Variants in PDGFD observed in about 807,000 individuals in gnomAD.
PDGFD encodes the protein platelet-derived growth factor D.
In PDGFD, 30 loss-of-function variants were observed where a neutral mutation model predicts 44.7. That is an observed-to-expected ratio of 0.67 (90% CI 0.50 to 0.91). The LOEUF (loss-of-function observed/expected upper bound fraction) is 0.91. Ranked by LOEUF, PDGFD falls within the 40% of genes least tolerant of loss-of-function variation. The pLI, the probability that PDGFD is intolerant of heterozygous loss-of-function variation, is 0.00. For synonymous variants in PDGFD, 173 were observed against 168.4 expected (o/e 1.03, Z -0.21); for missense variants, 445 against 457.8 (o/e 0.97, Z 0.25).
intron 1 of PDGFD, among the ~76,000 whole-genome samples, chr11:104,150,750 T>G (rs919476820): frequency 2.6e-5 from 4 of 152,190 alleles, no homozygotes; most frequent in Non-Finnish European, 1.5e-5. Context: ...CCATCTCTTC[T>G]GCCTTTGTCA....
At chr11:103,950,100 T>C (rs1334471797) in intron 3 of PDGFD, among the ~76,000 whole-genome samples, 1 of 152,094 alleles carries the variant, frequency 6.6e-6, no homozygotes, top group Non-Finnish European at 1.5e-5. Flanking sequence ...CATGTGACCT[T>C]GAGATATAGA....
At chr11:104,072,106 C>T (rs1437879413) in intron 1 of PDGFD, among the ~76,000 whole-genome samples, 5 of 151,692 alleles carry the variant, frequency 3.3e-5, no homozygotes, top group Admixed American at 6.6e-5. Context: ...TGCAATACCA[C>T]GTTTAGTTTC....
At chr11:103,945,936 A>G (rs1858662226) in intron 4 of PDGFD, 1 of 152,236 alleles carries the variant, frequency 6.6e-6, no homozygotes, top group Non-Finnish European at 1.5e-5. Context: ...ACGACAGCTG[A>G]GGAAATATTT....
chr11:104,044,469 C>T (rs1245729323), intron 1 of PDGFD, among the ~76,000 whole-genome samples: 1 of 151,870 alleles, frequency 6.6e-6, no homozygotes, highest in African/African-American at 2.4e-5. Context: ...TTAACCTTGA[C>T]TTAGCTATAT....
chr11:103,950,498 G>T (rs1037742311), intron 3 of PDGFD, among the ~76,000 whole-genome samples: 4 of 151,886 alleles, frequency 2.6e-5, no homozygotes, highest in Non-Finnish European at 5.9e-5. Context: ...GGGAGGCGGA[G>T]GTTGCAGTGG....
In PDGFD at chr11:104,035,407, T is replaced by C. The variant is rs558921935; in HGVS notation, c.125-35152A>G. 2.7e-3 allele frequency among the ~76,000 whole-genome samples: 410 copies of C among 152,240 alleles called. 2 individuals carry two copies. The highest frequency in any genetic ancestry group is 4.4e-3 in the Non-Finnish European group (296 of 68,002). On this transcript the variant is annotated intron_variant, in intron 1 of 6. Coordinates refer to ENST00000393158, the MANE Select transcript of PDGFD (RefSeq NM_025208.5). ...CCACACTCTAGCAACAGCTCCCTCTTTGAACCACTGGAAAAGCCTCCTGAC... is the reference window on the plus strand; with the variant it reads ...CCACACTCTAGCAACAGCTCCCTCTCTGAACCACTGGAAAAGCCTCCTGAC...
intron 1 of PDGFD, among the ~76,000 whole-genome samples, chr11:104,047,812 A>T (rs1397137217): frequency 6.6e-6 from 1 of 152,044 alleles, no homozygotes; most frequent in East Asian, 1.9e-4. Flanking sequence ...ATCTTACATC[A>T]AGTTCTGAGA....
intron 1 of PDGFD, among the ~76,000 whole-genome samples, chr11:104,094,153 A>G (rs1861250059): frequency 6.6e-6 from 1 of 151,880 alleles, no homozygotes; most frequent in South Asian, 2.1e-4. Context: ...AGTGCTTGGC[A>G]CAATAGCCAC....
At chr11:104,093,835 CT>C in intron 1 of PDGFD, among the ~76,000 whole-genome samples, 2 of 150,456 alleles carry the variant, frequency 1.3e-5, no homozygotes, top group East Asian at 3.9e-4. Flanking sequence ...TTTGCAAGGT[CT>C]TTGAATTTCT....
rs185924732 is a variant in PDGFD at position 103,942,237 on chromosome 11, T to C, written c.772+1215A>G. Among the ~76,000 whole-genome samples, 41 of 152,248 alleles carry C rather than the reference T, an allele frequency of 2.7e-4. 1 individual carries two copies. In the East Asian group the frequency reaches 6.9e-3, roughly 26 times the overall value. On this transcript the variant is annotated intron_variant, in intron 5 of 6. Coordinates refer to ENST00000393158, the MANE Select transcript of PDGFD (RefSeq NM_025208.5). ...TGGTGAAATACCTTTATATCTACAATGCAAACCAGCCTTTCGAGACCTTTT... is the reference window on the plus strand; with the variant it reads ...TGGTGAAATACCTTTATATCTACAACGCAAACCAGCCTTTCGAGACCTTTT...
At chr11:104,139,848 T>C (rs1862059087) in intron 1 of PDGFD, among the ~76,000 whole-genome samples, 1 of 15,030 alleles carries the variant, frequency 6.7e-5, no homozygotes, top group Admixed American at 8.1e-4. Flanking sequence ...CCATCCTGGC[T>C]AACAAGGTGA....
rs145779686 is a variant in PDGFD at position 103,927,126 on chromosome 11, A to G, written c.773T>C (p.Val258Ala). Residue 258 changes from valine to alanine, a missense_variant and splice_region_variant, in exon 6 of 7, where the codon GTT becomes GCT. Val to Ala is a moderately conservative substitution (Grantham distance 64). Transcript: ENST00000393158. ...ATCATCATTGAGCCTATCCAGGTCA[A>G]CTGTAAGCAAATACATGCACTGTGT... is the stretch of plus-strand genomic sequence containing the variant. Reference protein sequence around the residue: ...GRSYHDRKSKVDLDRLNDDAK... With the variant: ...GRSYHDRKSKADLDRLNDDAK... 3.7e-6 allele frequency: 6 copies of G among 1,613,686 alleles called. No homozygotes were observed. Among genetic ancestry groups the G allele is most frequent in the Non-Finnish European group, 5.1e-6 (6 of 1,179,646 alleles).
intron 1 of PDGFD, among the ~76,000 whole-genome samples, chr11:104,024,743 A>G (rs1392259123): frequency 1.3e-5 from 2 of 152,210 alleles, no homozygotes; most frequent in East Asian, 3.9e-4. Flanking sequence ...CCTGTCATTA[A>G]GTGGTGCATG....
At chr11:103,945,908 C>G (rs1208744518) in intron 4 of PDGFD, 1 of 152,124 alleles carries the variant, frequency 6.6e-6, no homozygotes, top group Non-Finnish European at 1.5e-5. Flanking sequence ...TGATTTAGGG[C>G]AGTTGACAGA....
intron 1 of PDGFD, among the ~76,000 whole-genome samples, chr11:104,112,440 G>C (rs76486632): frequency 0.011 from 1,729 of 152,072 alleles, 37 homozygotes; most frequent in African/African-American, 0.038. Context: ...GTGTAAATTA[G>C]TTCAACCATT....
chr11:103,956,904 G>C (rs1858859534), intron 3 of PDGFD, among the ~76,000 whole-genome samples: 1 of 151,954 alleles, frequency 6.6e-6, no homozygotes, highest in South Asian at 2.1e-4. Context: ...CTTTTTGATG[G>C]GGTTGTTTTT....
intron 1 of PDGFD, among the ~76,000 whole-genome samples, chr11:104,105,354 C>A (rs1861456867): frequency 6.6e-6 from 1 of 152,108 alleles, no homozygotes; most frequent in Non-Finnish European, 1.5e-5. Flanking sequence ...TCTCAAATTA[C>A]ATGAACTAAC....
intron 1 of PDGFD, among the ~76,000 whole-genome samples, chr11:104,105,029 T>A (rs1251573449): frequency 2.0e-5 from 3 of 152,164 alleles, no homozygotes; most frequent in African/African-American, 7.2e-5. Flanking sequence ...TAGGTAACAT[T>A]TATGTGAAAC....
intron 1 of PDGFD, among the ~76,000 whole-genome samples, chr11:104,018,099 CT>C (rs1484876640): frequency 1.3e-5 from 2 of 152,072 alleles, no homozygotes; most frequent in Non-Finnish European, 2.9e-5. Context: ...TTGATTCCAC[CT>C]GTAAAACTCA....
Sources: allele counts gnomAD v4.1 joint callset (sites outside exome capture counted in the v4.1 genomes callset), GRCh38; gene constraint gnomAD v4.1.1; transcripts MANE v1.5; gene names NCBI Gene and HGNC (gene_info 2026-07-23, HGNC 2026-07-21).